NCAPD2: variants seen among roughly 807,000 people sequenced by gnomAD.
NCAPD2 encodes the protein non-SMC condensin I complex subunit D2, also known as condensin complex subunit 1.
Under a neutral mutation model 164.5 loss-of-function variants are expected in NCAPD2, and 100 were observed. The observed-to-expected ratio is 0.61, with a 90% CI of 0.52 to 0.72. NCAPD2 has a LOEUF of 0.72. Ranked by LOEUF, NCAPD2 falls within the 30% of genes least tolerant of loss-of-function variation. The pLI is 0.00. For synonymous variants in NCAPD2, 585 were observed against 642.6 expected (o/e 0.91, Z 1.36); for missense variants, 1,560 against 1,749.2 (o/e 0.89, Z 1.93).
At chr12:6,519,034 C>T (rs571901734) in intron 13 of NCAPD2, among the ~76,000 whole-genome samples, 7 of 151,938 alleles carry the variant, frequency 4.6e-5, no homozygotes, top group Admixed American at 2.0e-4. Flanking sequence ...TACAGGCGCC[C>T]GCCACCACGC....
intron 2 of NCAPD2, among the ~76,000 whole-genome samples, chr12:6,504,055 T>C (rs1206142686): frequency 6.6e-6 from 1 of 151,720 alleles, no homozygotes; most frequent in Non-Finnish European, 1.5e-5. Flanking sequence ...CTTCCAACAC[T>C]GTCATGTTGG....
At chr12:6,518,816 C>T (rs974831958) in intron 13 of NCAPD2, among the ~76,000 whole-genome samples, 6 of 151,844 alleles carry the variant, frequency 4.0e-5, no homozygotes, top group African/African-American at 9.7e-5. Flanking sequence ...CCACCGCACT[C>T]GGCTGCCAAC....
rs1334670977 is a variant in NCAPD2 at position 6,528,983 on chromosome 12, C to T, written c.3516C>T (p.Ser1172=). ...ATAATCTCCTTCCAGATATCATCAGCCGCCTGTCAGACCCCGAGCTGGGGG... is the reference window on the plus strand; with the variant it reads ...ATAATCTCCTTCCAGATATCATCAGTCGCCTGTCAGACCCCGAGCTGGGGG... ...AIYNLLPDII[S]RLSDPELGVE... Residue 1172 remains serine, a synonymous_variant, in exon 27 of 32, where the codon AGC becomes AGT. Transcript: ENST00000315579. The surrounding 1 kb of genome is among the most constrained non-coding windows in gnomAD (Gnocchi z 5.1). 3.1e-6 allele frequency: 5 copies of T among 1,613,720 alleles called. No individual in the cohort carries two copies. The highest frequency in any genetic ancestry group is 4.2e-6 in the Non-Finnish European group (5 of 1,180,050).
intron 9 of NCAPD2, 71 bp downstream of exon 9, chr12:6,514,991 TAACAG>T (rs1370958865): frequency 6.5e-7 from 1 of 1,533,248 alleles, no homozygotes; most frequent in Admixed American, 1.7e-5. Context: ...GGCTGTTTCT[TAACAG>T]AACAAGAAAG....
chr12:6,529,763 T>C lies in NCAPD2; in HGVS notation c.3654-12T>C, dbSNP rs1298157203. The C allele has an allele frequency of 3.7e-6, 6 of 1,607,964 alleles. No individual in the cohort carries two copies. The highest frequency in any genetic ancestry group is 5.1e-6 in the Non-Finnish European group (6 of 1,175,734). On this transcript the variant is annotated splice_polypyrimidine_tract_variant and intron_variant, in intron 28 of 31. Coordinates refer to ENST00000315579, the MANE Select transcript of NCAPD2 (RefSeq NM_014865.4). ...ATCTCCCAGTTCCTCACAAAGCCCT[T>C]CCTATCTGCAGAACTGAGCGGCAGC...
At chr12:6,517,074 AG>A in intron 10 of NCAPD2, 49 bp downstream of exon 10, 1 of 1,569,252 alleles carries the variant, frequency 6.4e-7, no homozygotes, top group Non-Finnish European at 8.8e-7. Flanking sequence ...TCCATATACC[AG>A]TGTAAAGAGG....
Position 6,521,812 on chromosome 12 carries a change from A to G in NCAPD2, c.1729A>G (p.Thr577Ala). The G allele has an allele frequency of 1.2e-6, 2 of 1,614,022 alleles. No individual in the cohort carries two copies. The highest frequency in any genetic ancestry group is 1.3e-5 in the African/African-American group (1 of 75,048). Residue 577 changes from threonine (T) to alanine (A), a missense_variant, in exon 15 of 32, where the codon ACA becomes GCA. Coordinates refer to ENST00000315579, the MANE Select transcript of NCAPD2 (RefSeq NM_014865.4). ...TAACTCCTTAGGCCCAGCAGCTTCC[A>G]CACAAGAAAAGAATCCCCGGGAGTC... is the stretch of plus-strand genomic sequence containing the variant. ...GLIFKGPAAS[T>A]QEKNPRESTG...
In NCAPD2 at chr12:6,495,203, A is replaced by G; in HGVS notation, c.105A>G (p.Lys35=). ...QYVVQEVLSI[K]HLPPQLRAFQ... ...TTGTGCAAGAGGTACTGTCCATCAAACATCTTCCACCACAGCTTAGAGGTA... is the reference window on the plus strand; with the variant it reads ...TTGTGCAAGAGGTACTGTCCATCAAGCATCTTCCACCACAGCTTAGAGGTA... The change falls in exon 2 of 32, where the codon AAA becomes AAG. Residue 35 remains lysine, a synonymous_variant. Transcript: ENST00000315579. 1 of 1,614,182 alleles carries G rather than the reference A, an allele frequency of 6.2e-7. No individual in the cohort carries two copies. The highest frequency in any genetic ancestry group is 8.5e-7 in the Non-Finnish European group (1 of 1,180,016).
chr12:6,509,641 G>T, intron 2 of NCAPD2, 76 bp from the exon 3 acceptor site: 1 of 1,343,092 alleles, frequency 7.4e-7, no homozygotes, highest in Non-Finnish European at 1.1e-6. Flanking sequence ...AATAAACCTA[G>T]TTTTCTGCCA....
intron 17 of NCAPD2, 112 bp downstream of exon 17, chr12:6,523,458 C>T: frequency 1.2e-6 from 1 of 866,786 alleles, no homozygotes; most frequent in South Asian, 1.6e-5. Flanking sequence ...AGTGCAATGG[C>T]ACAATCTTGG....
In NCAPD2 at chr12:6,531,327, A is replaced by G. The variant is rs770435927; in HGVS notation, c.4121A>G (p.Asp1374Gly). The G allele has an allele frequency of 2.5e-6, 4 of 1,612,326 alleles. No homozygotes were observed. In the South Asian group the frequency reaches 3.3e-5, roughly 13 times the overall value. Residue 1374 changes from aspartate (D) to glycine (G), a missense_variant and splice_region_variant, in exon 32 of 32, where the codon GAT becomes GGT. By Grantham distance (94) the Asp-to-Gly change is moderately conservative. Transcript: ENST00000315579. The surrounding 1 kb of genome is among the most constrained non-coding windows in gnomAD (Gnocchi z 4.1). ...VFSSDESSEE[D>G]LSAEMTEDET... ...CTTATTCCTTTAATTCTTTGCATAG[A>G]TCTTTCAGCAGAGATGACAGAAGAC...
Position 6,521,030 on chromosome 12 carries a change from A to C in NCAPD2, c.1634A>C (p.Glu545Ala), listed in dbSNP as rs1946258760. 3.7e-6 allele frequency: 6 copies of C among 1,614,046 alleles called. No homozygotes were observed. Among genetic ancestry groups the C allele is most frequent in the Non-Finnish European group, 5.1e-6 (6 of 1,179,996 alleles). Residue 545 changes from glutamate (E) to alanine (A), a missense_variant, in exon 14 of 32, where the codon GAG becomes GCG. Coordinates refer to ENST00000315579, the MANE Select transcript of NCAPD2 (RefSeq NM_014865.4). ...LTREATGHFQ[E>A]SEPFSHIDPE... ...CGAGAAGCCACAGGCCACTTCCAGGAGTCCGAACCCTTCAGTCATATAGAC... is the reference window on the plus strand; with the variant it reads ...CGAGAAGCCACAGGCCACTTCCAGGCGTCCGAACCCTTCAGTCATATAGAC...
rs1026037890 is a variant in NCAPD2 at position 6,497,855 on chromosome 12, G to C, written c.127+2630G>C. Among the ~76,000 whole-genome samples, 3 of 151,792 alleles carry C rather than the reference G, an allele frequency of 2.0e-5. No homozygotes were observed. The East Asian group carries it at 5.8e-4, about 29-fold the overall frequency. ...GCTGGTCTCCAACTCCTGACCTGAT[G>C]ATCCACCCGCCTCGACCTCCCAAAG... On this transcript the variant is annotated intron_variant, in intron 2 of 31. Coordinates refer to ENST00000315579, the MANE Select transcript of NCAPD2 (RefSeq NM_014865.4).
At position 6,510,146 on chromosome 12, in the gene NCAPD2, CA is replaced by C. The variant is rs151333177; in HGVS notation, c.262+14del. On this transcript the variant is annotated intron_variant, in intron 4 of 31. Transcript: ENST00000315579. The stretch of plus-strand genomic sequence containing the variant: ...TTCCTGATAAAAGGTGTTTATGGGT[CA>C]GGGGGTAGGGGATGGAAGGTGTTTG... The C allele has an allele frequency of 5.3e-5, 84 of 1,599,932 alleles. No individual in the cohort carries two copies. In the African/African-American group the frequency reaches 7.1e-4, roughly 14 times the overall value.
At chr12:6,510,159 A>G in intron 4 of NCAPD2, 26 bp downstream of exon 4, 1 of 1,580,574 alleles carries the variant, frequency 6.3e-7, no homozygotes, top group Non-Finnish European at 8.7e-7. Context: ...GGGGTAGGGG[A>G]TGGAAGGTGT....
intron 13 of NCAPD2, among the ~76,000 whole-genome samples, chr12:6,519,884 T>G (rs1350795797): frequency 6.6e-6 from 1 of 150,864 alleles, no homozygotes; most frequent in Non-Finnish European, 1.5e-5. Flanking sequence ...AAAAAAAAAT[T>G]TATAGATGGC....
intron 13 of NCAPD2, 73 bp downstream of exon 13, chr12:6,518,032 G>T: frequency 6.9e-7 from 1 of 1,452,578 alleles, no homozygotes; most frequent in Non-Finnish European, 9.5e-7. Flanking sequence ...CTTACATAAT[G>T]TGTCTTTTAA....
intron 5 of NCAPD2, 124 bp from the exon 6 acceptor site, chr12:6,510,986 A>G: frequency 7.7e-7 from 1 of 1,303,038 alleles, no homozygotes; most frequent in Non-Finnish European, 1.1e-6. Context: ...TGGAACTTGT[A>G]ATATTTCTTC....
chr12:6,523,415 T>TTTTTTTTG (rs1946286606), intron 17 of NCAPD2, 69 bp downstream of exon 17: 1 of 1,342,028 alleles, frequency 7.5e-7, no homozygotes, highest in Non-Finnish European at 1.0e-6. Flanking sequence ...TTTTTTTTTT[T>TTTTTTTTG]GAGACGGAGT....
Sources: gnomAD v4.1 joint callset for allele counts (sites outside exome capture counted in the v4.1 genomes callset) on GRCh38, gnomAD v4.1.1 for gene constraint, Gnocchi (gnomAD v3.1) non-coding constraint, MANE v1.5 for transcripts, NCBI Gene and HGNC (gene_info 2026-07-23, HGNC 2026-07-21) for gene names.